The following PPM1E variants were observed in gnomAD, a reference collection of about 807,000 sequenced individuals.
PPM1E encodes the protein protein phosphatase, Mg2+/Mn2+ dependent 1E, also known as protein phosphatase 1E.
In PPM1E, 20 loss-of-function variants were observed where a neutral mutation model predicts 65.9. The ratio of observed to expected loss-of-function variants is 0.30; its 90% CI spans 0.21 to 0.44. The LOEUF is 0.44. Among genes scored for constraint, PPM1E ranks in the 20% least tolerant of loss-of-function variants. PPM1E has a pLI of 1.00. For synonymous variants in PPM1E, 352 were observed against 374.9 expected (o/e 0.94, Z 0.70); for missense variants, 713 against 953.1 (o/e 0.75, Z 3.32).
intron 1 of PPM1E, among the ~76,000 whole-genome samples, chr17:58,768,990 T>G: frequency 6.6e-6 from 1 of 152,100 alleles, no homozygotes; most frequent in East Asian, 1.9e-4. Flanking sequence ...ATTAAAAACA[T>G]AATTTAGAAT....
chr17:58,806,517 T>C (rs188005559), intron 1 of PPM1E, among the ~76,000 whole-genome samples: 7 of 152,240 alleles, frequency 4.6e-5, no homozygotes, highest in Non-Finnish European at 2.9e-5. Flanking sequence ...AGTTCTACCT[T>C]TACTAATTCA....
intron 1 of PPM1E, among the ~76,000 whole-genome samples, chr17:58,905,898 A>G (rs1488599976): frequency 6.6e-6 from 1 of 152,208 alleles, no homozygotes; most frequent in Non-Finnish European, 1.5e-5. Context: ...GAGAAATAGT[A>G]TAATTTATGC....
intron 1 of PPM1E, among the ~76,000 whole-genome samples, chr17:58,759,087 C>G (rs1025450128): frequency 1.3e-5 from 2 of 151,900 alleles, no homozygotes; most frequent in African/African-American, 4.8e-5. Context: ...CTTCCACTCC[C>G]CCACCAAAAT....
At chr17:58,839,334 T>A (rs188811636) in intron 1 of PPM1E, among the ~76,000 whole-genome samples, 6,682 of 148,776 alleles carry the variant, frequency 0.045, 280 homozygotes, top group South Asian at 0.13. Context: ...AAAAAAAAAA[T>A]TTTTTTAAGG....
At chr17:58,849,274 A>C (rs561965480) in intron 1 of PPM1E, among the ~76,000 whole-genome samples, 2 of 152,204 alleles carry the variant, frequency 1.3e-5, no homozygotes, top group Non-Finnish European at 2.9e-5. Flanking sequence ...TATCTCCTTC[A>C]ATTCTGCTCT....
At chr17:58,863,414 C>T (rs982683593) in intron 1 of PPM1E, among the ~76,000 whole-genome samples, 1 of 152,222 alleles carries the variant, frequency 6.6e-6, no homozygotes, top group Non-Finnish European at 1.5e-5. Flanking sequence ...GGAGCAGGTC[C>T]TGTGCAGGCC....
chr17:58,962,928 T>A (rs111489648), intron 2 of PPM1E, among the ~76,000 whole-genome samples: 3,194 of 150,560 alleles, frequency 0.021, 98 homozygotes, highest in African/African-American at 0.073. Context: ...ACAAAAAAAA[T>A]TTTTTTTTAA....
At chr17:58,891,832 C>CTTTTTTTTTTTTTTTTTTTT (rs5821250) in intron 1 of PPM1E, among the ~76,000 whole-genome samples, 1 of 85,496 alleles carries the variant, frequency 1.2e-5, no homozygotes, top group African/African-American at 4.8e-5. Context: ...TTTTCTTTTT[C>CTTTTTTTTTTTTTTTTTTTT]TTTTTTTTTT....
chr17:58,934,087 C>CAAAAAAAA (rs11316368), intron 1 of PPM1E, among the ~76,000 whole-genome samples: 2 of 80,152 alleles, frequency 2.5e-5, no homozygotes, highest in South Asian at 4.1e-4. Flanking sequence ...GACTTCGTAT[C>CAAAAAAAA]AAAAAAAAAA....
intron 1 of PPM1E, among the ~76,000 whole-genome samples, chr17:58,852,601 GT>G (rs553606798): frequency 3.7e-5 from 5 of 133,604 alleles, no homozygotes; most frequent in African/African-American, 8.8e-5. Context: ...TTCTTTTTTT[GT>G]TTTTTTTTGT....
chr17:58,982,989 G>C lies in PPM1E; in HGVS notation c.*1958G>C. ...ATTATAGTCCAAAGTGCTTAGCGAA[G>C]TAAAAAAAAAAGCTTTTTAAAATTT... On this transcript the variant is annotated 3_prime_UTR_variant, in exon 7 of 7. Coordinates refer to ENST00000308249, the MANE Select transcript of PPM1E (RefSeq NM_014906.5). The C allele has an allele frequency of 7.4e-7, 1 of 1,349,208 alleles. No individual in the cohort carries two copies. Among genetic ancestry groups the C allele is most frequent in the Non-Finnish European group, 1.0e-6 (1 of 982,186 alleles). 83.6% of individuals were successfully genotyped at this position (1,349,208 alleles called of 1,614,324 possible). A position where few individuals can be genotyped will look rare whatever the true frequency, so the allele number is the denominator to read the frequency against.
chr17:58,824,346 C>T (rs1463561614), intron 1 of PPM1E, among the ~76,000 whole-genome samples: 1 of 152,068 alleles, frequency 6.6e-6, no homozygotes, highest in Non-Finnish European at 1.5e-5. Flanking sequence ...AGGCACAGAT[C>T]CTATCTGAGA....
chr17:58,983,068 A>G lies in PPM1E; in HGVS notation c.*2037A>G, dbSNP rs1306391014. On this transcript the variant is annotated 3_prime_UTR_variant, in exon 7 of 7. Transcript: ENST00000308249. ...ATCAGAATAAAGAGGGTAAAGGGAA[A>G]AAGTTACTACACATGCTAGGCTTTC... 8.6e-6 allele frequency: 6 copies of G among 700,032 alleles called. No homozygotes were observed. Among genetic ancestry groups the G allele is most frequent in the South Asian group, 2.1e-5 (1 of 48,408 alleles). The allele number at this position is 700,032 out of a possible 1,614,324, so 43.4% of individuals were successfully genotyped here. A position where few individuals can be genotyped will look rare whatever the true frequency, so the allele number is the denominator to read the frequency against.
At chr17:58,892,011 T>C (rs1410766652) in intron 1 of PPM1E, among the ~76,000 whole-genome samples, 4 of 151,898 alleles carry the variant, frequency 2.6e-5, no homozygotes, top group Non-Finnish European at 5.9e-5. Flanking sequence ...AATTTTTGTA[T>C]TTTTAGTAGA....
At chr17:58,959,348 C>T (rs1163389365) in intron 2 of PPM1E, among the ~76,000 whole-genome samples, 2 of 150,928 alleles carry the variant, frequency 1.3e-5, no homozygotes, top group Admixed American at 1.3e-4. Flanking sequence ...GCCTGTAATC[C>T]CAGCACTTTG....
At chr17:58,849,399 G>A in intron 1 of PPM1E, among the ~76,000 whole-genome samples, 1 of 152,060 alleles carries the variant, frequency 6.6e-6, no homozygotes, top group East Asian at 1.9e-4. Context: ...GCTTTCTCTT[G>A]TGGGCATTTA....
At chr17:58,955,237 T>C (rs2029868302) in intron 1 of PPM1E, among the ~76,000 whole-genome samples, 1 of 152,078 alleles carries the variant, frequency 6.6e-6, no homozygotes, top group African/African-American at 2.4e-5. Flanking sequence ...TGGTGGCACA[T>C]GCCTGTAGTC....
intron 1 of PPM1E, among the ~76,000 whole-genome samples, chr17:58,819,140 C>T (rs186881461): frequency 3.3e-5 from 5 of 152,026 alleles, no homozygotes; most frequent in East Asian, 1.9e-4. Context: ...TTTCCACAGC[C>T]GTATTTCTAT....
At chr17:58,932,723 G>A (rs538623768) in intron 1 of PPM1E, among the ~76,000 whole-genome samples, 1 of 152,058 alleles carries the variant, frequency 6.6e-6, no homozygotes, top group Non-Finnish European at 1.5e-5. Context: ...GGCATGCCAC[G>A]ATGTTGGAGC....
Sources: allele counts gnomAD v4.1 joint callset (sites outside exome capture counted in the v4.1 genomes callset), GRCh38; gene constraint gnomAD v4.1.1; transcripts MANE v1.5; gene names NCBI Gene and HGNC (gene_info 2026-07-23, HGNC 2026-07-21).